The following AADACL2 variants were observed in gnomAD, a reference collection of about 807,000 sequenced individuals.
AADACL2 encodes the protein arylacetamide deacetylase like 2.
AADACL2 carries 23 observed loss-of-function variants against 22.3 expected under a neutral mutation model. The observed-to-expected ratio is 1.03, with a 90% CI of 0.74 to 1.46. The LOEUF (loss-of-function observed/expected upper bound fraction) is 1.46. Ranked by LOEUF, AADACL2 falls within the 40% of genes most tolerant of loss-of-function variation. The pLI is 0.00. For synonymous variants in AADACL2, 177 were observed against 166.2 expected, an observed-to-expected ratio of 1.07 and a Z score of -0.50; for missense variants, 472 against 482.9, an observed-to-expected ratio of 0.98 and a Z score of 0.21.
intron 4 of AADACL2, among the ~76,000 whole-genome samples, chr3:151,752,524 C>A (rs1269190586): frequency 6.6e-6 from 1 of 152,180 alleles, no homozygotes; most frequent in Non-Finnish European, 1.5e-5. Flanking sequence ...TCTGGATGAT[C>A]ACTATAGCTT....
At chr3:151,736,150 A>C (rs1427096017) in intron 1 of AADACL2, among the ~76,000 whole-genome samples, 2 of 152,148 alleles carry the variant, frequency 1.3e-5, no homozygotes, top group Admixed American at 6.5e-5. Flanking sequence ...GCATGCCTAC[A>C]AAATTTATTT....
At chr3:151,744,734 CTAGA>C (rs1429212291) in intron 3 of AADACL2, among the ~76,000 whole-genome samples, 4 of 152,154 alleles carry the variant, frequency 2.6e-5, no homozygotes, top group African/African-American at 9.6e-5. Context: ...TTAGAGTTTT[CTAGA>C]TAGTTTATAA....
chr3:151,745,413 G>A, intron 3 of AADACL2, 96 bp from the exon 4 acceptor site: 1 of 1,276,182 alleles, frequency 7.8e-7, no homozygotes, highest in Non-Finnish European at 1.1e-6. Flanking sequence ...TTAGAAGACT[G>A]AACAATAAAG....
intron 1 of AADACL2, among the ~76,000 whole-genome samples, chr3:151,737,212 T>C (rs1560280533): frequency 6.6e-6 from 1 of 152,236 alleles, no homozygotes; most frequent in Non-Finnish European, 1.5e-5. Context: ...TTAATTTAGT[T>C]ATTTACCCAG....
chr3:151,755,963 T>C (rs1448986663), intron 4 of AADACL2, among the ~76,000 whole-genome samples: 1 of 152,150 alleles, frequency 6.6e-6, no homozygotes, highest in Non-Finnish European at 1.5e-5. Flanking sequence ...TCTACACTTA[T>C]TAAACCTCTA....
Position 151,753,287 on chromosome 3 carries a change from T to C in AADACL2, c.604-3705T>C, listed in dbSNP as rs902844623. Reference sequence around the variant, plus strand: ...GTGAGTCCTGCACTTCTGAGTGATATAATCTGTTTTACTGTCACACTTTTA... The same window carrying C: ...GTGAGTCCTGCACTTCTGAGTGATACAATCTGTTTTACTGTCACACTTTTA... On this transcript the variant is annotated intron_variant, in intron 4 of 4. Transcript: ENST00000356517. Among the ~76,000 whole-genome samples, 3 of 152,288 alleles carry C rather than the reference T, an allele frequency of 2.0e-5. 1 individual carries two copies. The South Asian group carries it at 6.2e-4, about 32-fold the overall frequency.
At chr3:151,749,813 CT>C (rs1193242599) in intron 4 of AADACL2, among the ~76,000 whole-genome samples, 7 of 152,068 alleles carry the variant, frequency 4.6e-5, no homozygotes, top group Admixed American at 3.9e-4. Context: ...CATTTGGATG[CT>C]TTTTATTTCT....
At chr3:151,735,463 C>T (rs981745972) in intron 1 of AADACL2, among the ~76,000 whole-genome samples, 1 of 152,180 alleles carries the variant, frequency 6.6e-6, no homozygotes, top group African/African-American at 2.4e-5. Context: ...ACTTCCTCGT[C>T]TTTAAATTAT....
intron 1 of AADACL2, among the ~76,000 whole-genome samples, chr3:151,740,190 G>A (rs147582742): frequency 6.6e-5 from 10 of 152,220 alleles, no homozygotes; most frequent in African/African-American, 1.7e-4. Flanking sequence ...ATGGAAAAGC[G>A]TAGTATATGG....
chr3:151,754,197 G>GA (rs1299408312), intron 4 of AADACL2, among the ~76,000 whole-genome samples: 1 of 152,044 alleles, frequency 6.6e-6, no homozygotes. Context: ...GTTTGCGAAT[G>GA]AAAAAAACTG....
chr3:151,739,596 G>T (rs776836878), intron 1 of AADACL2, among the ~76,000 whole-genome samples: 1 of 152,172 alleles, frequency 6.6e-6, no homozygotes, highest in Non-Finnish European at 1.5e-5. Flanking sequence ...GTTTAGGTCC[G>T]CTGAAGCTGC....
rs1206038071 is a variant in AADACL2, at chr3:151,752,277, G to A, written c.604-4715G>A. On this transcript the variant is annotated intron_variant, in intron 4 of 4. Transcript: ENST00000356517. ...AAATTCGGTATCAATAATCACCACTGAGGGATATATTTTAAAAAATGACTC... is the reference window on the plus strand; with the variant it reads ...AAATTCGGTATCAATAATCACCACTAAGGGATATATTTTAAAAAATGACTC... Among the ~76,000 whole-genome samples the A allele has an allele frequency of 2.0e-5, 3 of 152,222 alleles. No homozygotes were observed. In the East Asian group the frequency reaches 5.8e-4, roughly 29 times the overall value.
chr3:151,737,572 C>T (rs770760627), intron 1 of AADACL2, among the ~76,000 whole-genome samples: 8 of 152,148 alleles, frequency 5.3e-5, no homozygotes, highest in Non-Finnish European at 1.0e-4. Flanking sequence ...GTTAAGGTCT[C>T]CCACTAGTAG....
chr3:151,750,693 T>C (rs1713634829), intron 4 of AADACL2, among the ~76,000 whole-genome samples: 1 of 152,180 alleles, frequency 6.6e-6, no homozygotes, highest in Non-Finnish European at 1.5e-5. Context: ...TTTTTTAAAA[T>C]TTCTTTCCTT....
chr3:151,757,646 T>C lies in AADACL2; in HGVS notation c.*52T>C, dbSNP rs2068526. On this transcript the variant is annotated 3_prime_UTR_variant, in exon 5 of 5. Transcript: ENST00000356517. Reference sequence around the variant, plus strand: ...ACATAGTGGATTGTAATTTGTGATATTTTGTGGTTTTGGAGCAAAGAACAA... The same window carrying C: ...ACATAGTGGATTGTAATTTGTGATACTTTGTGGTTTTGGAGCAAAGAACAA... The C allele has an allele frequency of 2.6e-6, 4 of 1,523,912 alleles. No homozygotes were observed. Among genetic ancestry groups the C allele is most frequent in the Non-Finnish European group, 3.5e-6 (4 of 1,137,692 alleles). The allele number at this position is 1,523,912 out of a possible 1,614,324, so 94.4% of individuals were successfully genotyped here.
At chr3:151,737,646 C>A (rs750334573) in intron 1 of AADACL2, among the ~76,000 whole-genome samples, 2 of 152,026 alleles carry the variant, frequency 1.3e-5, no homozygotes, top group Non-Finnish European at 2.9e-5. Context: ...CTGGTGCTCC[C>A]GTATTGGATG....
At chr3:151,745,242 C>A (rs1713400306) in intron 3 of AADACL2, among the ~76,000 whole-genome samples, 1 of 152,144 alleles carries the variant, frequency 6.6e-6, no homozygotes, top group Non-Finnish European at 1.5e-5. Context: ...TACACTTGGA[C>A]TAAAATTTTT....
At chr3:151,743,040 C>T (rs1560282585) in intron 2 of AADACL2, among the ~76,000 whole-genome samples, 1 of 151,962 alleles carries the variant, frequency 6.6e-6, no homozygotes, top group African/African-American at 2.4e-5. Flanking sequence ...CCATTTTCTT[C>T]TGAAGATCTC....
At chr3:151,742,985 C>G (rs1369828989) in intron 2 of AADACL2, among the ~76,000 whole-genome samples, 1 of 151,970 alleles carries the variant, frequency 6.6e-6, no homozygotes, top group Admixed American at 6.6e-5. Flanking sequence ...AAGGCTATGT[C>G]TCCCTAATCT....
Sources: allele counts gnomAD v4.1 joint callset (sites outside exome capture counted in the v4.1 genomes callset), GRCh38; gene constraint gnomAD v4.1.1; transcripts MANE v1.5; gene names NCBI Gene and HGNC (gene_info 2026-07-23, HGNC 2026-07-21).